The following ARHGAP24 variants were observed in gnomAD, a reference collection of about 807,000 sequenced individuals.
ARHGAP24 encodes the protein rho GTPase-activating protein 24.
A neutral mutation model predicts 76.4 loss-of-function variants in ARHGAP24; 50 were observed. That is an observed-to-expected ratio of 0.65 (90% CI 0.52 to 0.83). The LOEUF is 0.83. ARHGAP24 is among the 40% of genes least tolerant of loss of function. The pLI, the probability that ARHGAP24 is intolerant of heterozygous loss-of-function variation, is 0.00. For synonymous variants in ARHGAP24, 345 were observed against 323.3 expected (o/e 1.07, Z -0.72); for missense variants, 930 against 914.2 (o/e 1.02, Z -0.22).
intron 3 of ARHGAP24, among the ~76,000 whole-genome samples, chr4:85,886,975 C>T (rs1384876739): frequency 6.6e-6 from 1 of 152,022 alleles, no homozygotes; most frequent in Non-Finnish European, 1.5e-5. Flanking sequence ...ATCTCATTAT[C>T]AATCAGATAA....
rs538036975 is a variant in ARHGAP24, at chr4:85,917,589, T to C, written c.269-6059T>C. ...TCCAACATCTGTTGTTTCCTGACTT[T>C]TTAATGATTGCCATTCTAACTGGTG... On this transcript the variant is annotated intron_variant, in intron 3 of 9. Coordinates refer to ENST00000395184, the MANE Select transcript of ARHGAP24 (RefSeq NM_001025616.3). Among the ~76,000 whole-genome samples the C allele has an allele frequency of 2.6e-5, 4 of 152,318 alleles. No individual in the cohort carries two copies. The East Asian group carries it at 7.7e-4, about 29-fold the overall frequency.
intron 3 of ARHGAP24, among the ~76,000 whole-genome samples, chr4:85,730,403 G>A (rs192829173): frequency 6.6e-6 from 1 of 151,376 alleles, no homozygotes; most frequent in East Asian, 2.0e-4. Context: ...ATGTACATTA[G>A]CTGTTTTTTG....
At chr4:85,751,701 A>T (rs1285643160) in intron 3 of ARHGAP24, among the ~76,000 whole-genome samples, 1 of 152,208 alleles carries the variant, frequency 6.6e-6, no homozygotes, top group Non-Finnish European at 1.5e-5. Flanking sequence ...CTAGATCCAC[A>T]TTTCCCTTCA....
At chr4:85,838,708 T>G (rs1010920729) in intron 3 of ARHGAP24, among the ~76,000 whole-genome samples, 1 of 152,236 alleles carries the variant, frequency 6.6e-6, no homozygotes, top group Admixed American at 6.5e-5. Context: ...AACTGTATCC[T>G]TCCTTAAGTG....
chr4:85,768,709 A>C (rs11933664), intron 3 of ARHGAP24, among the ~76,000 whole-genome samples: 1 of 151,878 alleles, frequency 6.6e-6, no homozygotes, highest in African/African-American at 2.4e-5. Context: ...CCCAGGAGGC[A>C]GAGGTTGCAG....
intron 2 of ARHGAP24, among the ~76,000 whole-genome samples, chr4:85,623,347 G>A (rs374032874): frequency 3.3e-5 from 5 of 152,040 alleles, no homozygotes; most frequent in Admixed American, 6.6e-5. Context: ...CATTTATTAA[G>A]TAGGGAATCC....
intron 3 of ARHGAP24, among the ~76,000 whole-genome samples, chr4:85,796,823 C>CTGTGTGTGTG (rs1305072868): frequency 1.3e-5 from 2 of 152,102 alleles, no homozygotes; most frequent in Non-Finnish European, 2.9e-5. Context: ...CACGGTGGTG[C>CTGTGTGTGTG]TGTGCCCATA....
intron 1 of ARHGAP24, among the ~76,000 whole-genome samples, chr4:85,534,428 C>G (rs1003357694): frequency 6.6e-6 from 1 of 152,110 alleles, no homozygotes; most frequent in Non-Finnish European, 1.5e-5. Flanking sequence ...CTCACCAGGT[C>G]TCCCCTTTCG....
In ARHGAP24 at chr4:85,634,831, T is replaced by G. The variant is rs78487575; in HGVS notation, c.180+64110T>G. Among the ~76,000 whole-genome samples, 787 of 152,008 alleles carry G rather than the reference T, an allele frequency of 5.2e-3. 6 individuals carry two copies. The highest frequency in any genetic ancestry group is 8.8e-3 in the Non-Finnish European group (597 of 67,826). On this transcript the variant is annotated intron_variant, in intron 2 of 9. Coordinates refer to ENST00000395184, the MANE Select transcript of ARHGAP24 (RefSeq NM_001025616.3). ...TTGCCACCCTTTGATGCCTTTCTAC[T>G]TTACTTAAAAAGAATATTCTCTTTT...
intron 1 of ARHGAP24, among the ~76,000 whole-genome samples, chr4:85,564,723 T>G (rs1248562868): frequency 6.6e-6 from 1 of 151,144 alleles, no homozygotes; most frequent in Non-Finnish European, 1.5e-5. Context: ...GATCCCTTGC[T>G]GGGCAGTTCA....
intron 3 of ARHGAP24, among the ~76,000 whole-genome samples, chr4:85,833,138 C>G (rs1730080278): frequency 6.6e-6 from 1 of 152,158 alleles, no homozygotes; most frequent in South Asian, 2.1e-4. Flanking sequence ...GTCCTGATTC[C>G]TAAATCTGAT....
intron 1 of ARHGAP24, among the ~76,000 whole-genome samples, chr4:85,527,482 T>A (rs1725056618): frequency 6.6e-6 from 1 of 152,088 alleles, no homozygotes; most frequent in Non-Finnish European, 1.5e-5. Flanking sequence ...TACAGAAATT[T>A]AGATACAATA....
At chr4:85,629,462 T>C (rs1449439582) in intron 2 of ARHGAP24, among the ~76,000 whole-genome samples, 4 of 152,188 alleles carry the variant, frequency 2.6e-5, no homozygotes, top group Non-Finnish European at 4.4e-5. Context: ...CTTACATATG[T>C]TTTCACATTG....
intron 2 of ARHGAP24, among the ~76,000 whole-genome samples, chr4:85,683,660 T>TA (rs11376884): frequency 0.22 from 33,839 of 151,992 alleles, 4,170 homozygotes; most frequent in East Asian, 0.44. Flanking sequence ...TCTTAAATTT[T>TA]AAATATATAA....
chr4:85,811,795 CAA>C (rs1729023456), intron 3 of ARHGAP24, among the ~76,000 whole-genome samples: 1 of 152,128 alleles, frequency 6.6e-6, no homozygotes, highest in Admixed American at 6.5e-5. Context: ...CTTTTTTAAA[CAA>C]AGTCATATTG....
At chr4:85,592,041 C>CTTGG (rs2109981617) in intron 2 of ARHGAP24, among the ~76,000 whole-genome samples, 1 of 152,224 alleles carries the variant, frequency 6.6e-6, no homozygotes, top group Admixed American at 6.5e-5. Context: ...GACCCGTGAC[C>CTTGG]TTGGGCTGGA....
At chr4:85,601,186 C>G (rs1479953916) in intron 2 of ARHGAP24, among the ~76,000 whole-genome samples, 1 of 152,048 alleles carries the variant, frequency 6.6e-6, no homozygotes, top group African/African-American at 2.4e-5. Flanking sequence ...TGGAATGTAA[C>G]TACCATGGAA....
chr4:86,000,521 C>T lies in ARHGAP24; in HGVS notation c.2046C>T (p.Ser682=). 6.3e-7 allele frequency: 1 copy of T among 1,581,374 alleles called. No homozygotes were observed. Among genetic ancestry groups the T allele is most frequent in the Non-Finnish European group, 8.6e-7 (1 of 1,165,980 alleles). ...TGACTTTGGAAACAGAAATGATGAG[C>T]CTCCATGATGAACTGGATCAGGAGA... ...RNLTLETEMM[S]LHDELDQERK... Residue 682 remains serine, a synonymous_variant, in exon 10 of 10, where the codon AGC becomes AGT. Transcript: ENST00000395184.
chr4:85,733,141 G>A (rs1468297374), intron 3 of ARHGAP24, among the ~76,000 whole-genome samples: 1 of 129,654 alleles, frequency 7.7e-6, no homozygotes, highest in Non-Finnish European at 1.6e-5. Context: ...TCAGCTCATT[G>A]CAAGCTCTGC....
Sources: gnomAD v4.1 joint callset for allele counts (sites outside exome capture counted in the v4.1 genomes callset) on GRCh38, gnomAD v4.1.1 for gene constraint, MANE v1.5 for transcripts, NCBI Gene and HGNC (gene_info 2026-07-23, HGNC 2026-07-21) for gene names.